The following RBFA variants were observed in gnomAD, a reference collection of about 807,000 sequenced individuals.
RBFA encodes the protein ribosome binding factor A, also known as putative ribosome-binding factor A, mitochondrial.
In RBFA, 16 loss-of-function variants were observed where a neutral mutation model predicts 27.9. The observed-to-expected ratio is 0.57, with a 90% CI of 0.39 to 0.87. The LOEUF (loss-of-function observed/expected upper bound fraction) is 0.87, where lower values mean the gene tolerates loss of function less well. Among genes scored for constraint, RBFA ranks in the 40% least tolerant of loss-of-function variants. The pLI is 0.00. For synonymous variants in RBFA, 181 were observed against 181.0 expected (o/e 1.00, Z 0.00); for missense variants, 456 against 432.1 (o/e 1.06, Z -0.49).
chr18:80,038,968 G>A (rs2051999710), intron 4 of RBFA, among the ~76,000 whole-genome samples: 1 of 152,190 alleles, frequency 6.6e-6, no homozygotes, highest in African/African-American at 2.4e-5. Flanking sequence ...AGTGCTGTAG[G>A]GGCGCCATGC....
chr18:80,048,499 C>T lies in RBFA; in HGVS notation c.*2344C>T, dbSNP rs1258569288. Among the ~76,000 whole-genome samples the T allele has an allele frequency of 6.6e-6, 1 of 152,190 alleles. No homozygotes were observed. The highest frequency in any genetic ancestry group is 1.5e-5 in the Non-Finnish European group (1 of 68,038). ...AAACAGATTGCTGCCATCAATTTGT[C>T]TCAGGTCCTTCTAGCACATCTGACA... On this transcript the variant is annotated 3_prime_UTR_variant, in exon 7 of 7. Coordinates refer to ENST00000306735, the MANE Select transcript of RBFA (RefSeq NM_024805.3).
At position 80,045,782 on chromosome 18, in the gene RBFA, A is replaced by T; in HGVS notation, c.659A>T (p.Asp220Val). ...NFVQNDFRDP[D>V]APQPCGTTEP... Reference sequence around the variant, plus strand: ...CTCTTCTTCCTTCCCAGGGACCCTGATGCCCCACAACCCTGCGGCACCACA... The same window carrying T: ...CTCTTCTTCCTTCCCAGGGACCCTGTTGCCCCACAACCCTGCGGCACCACA... The change falls in exon 7 of 7, where the codon GAT (aspartate) becomes GTT (valine). Residue 220 changes from aspartate (D) to valine (V), a missense_variant. Transcript: ENST00000306735. The T allele has an allele frequency of 6.6e-7, 1 of 1,511,584 alleles. No homozygotes were observed. The highest frequency in any genetic ancestry group is 8.8e-7 in the Non-Finnish European group (1 of 1,130,586). 93.6% of individuals were successfully genotyped at this position (1,511,584 alleles called of 1,614,324 possible).
Position 80,046,360 on chromosome 18 carries a change from A to G in RBFA, c.*205A>G, listed in dbSNP as rs994443668. 1.7e-6 allele frequency: 1 copy of G among 599,120 alleles called. No homozygotes were observed. Among genetic ancestry groups the G allele is most frequent in the South Asian group, 2.2e-5 (1 of 45,166 alleles). The allele number at this position is 599,120 out of a possible 1,614,324, so 37.1% of individuals were successfully genotyped here. ...ATGCACTGTGTGTAATTTAAAAATT[A>G]AATGGCCATCTTATCACAGATTCTC... On this transcript the variant is annotated 3_prime_UTR_variant, in exon 7 of 7. Transcript: ENST00000306735.
rs1258351622 is a variant in RBFA, at chr18:80,034,473, G to C, written c.-23G>C. 1.3e-6 allele frequency: 2 copies of C among 1,494,720 alleles called. No homozygotes were observed. The highest frequency in any genetic ancestry group is 3.0e-5 in the African/African-American group (2 of 67,514). 92.6% of individuals were successfully genotyped at this position (1,494,720 alleles called of 1,614,324 possible). A position where few individuals can be genotyped will look rare whatever the true frequency, so the allele number is the denominator to read the frequency against. On this transcript the variant is annotated 5_prime_UTR_variant, in exon 1 of 7. Transcript: ENST00000306735. ...GCCTGCGCCCGTTGTCTCCCTGCTCGCTCCGGGTCCCGGCGCCGCGCCATG... is the reference window on the plus strand; with the variant it reads ...GCCTGCGCCCGTTGTCTCCCTGCTCCCTCCGGGTCCCGGCGCCGCGCCATG...
intron 3 of RBFA, 86 bp downstream of exon 3, chr18:80,037,592 A>G (rs1451634477): frequency 7.7e-7 from 1 of 1,294,786 alleles, no homozygotes; most frequent in Non-Finnish European, 1.1e-6. Flanking sequence ...CCTGACAATT[A>G]AAAAAAGACG....
At position 80,046,873 on chromosome 18, in the gene RBFA, G is replaced by C. The variant is rs1311159073; in HGVS notation, c.*718G>C. ...TTCTAATCCATCCAAAGGTGAAACA[G>C]ACTTGGTCTTTGCCTTCTGAAGAGT... On this transcript the variant is annotated 3_prime_UTR_variant, in exon 7 of 7. Transcript: ENST00000306735. 1 of 152,640 alleles carries C rather than the reference G, an allele frequency of 6.6e-6. No homozygotes were observed. The highest frequency in any genetic ancestry group is 1.5e-5 in the Non-Finnish European group (1 of 68,108). The allele number at this position is 152,640 out of a possible 1,614,324, so 9.5% of individuals were successfully genotyped here. A position where few individuals can be genotyped will look rare whatever the true frequency, so the allele number is the denominator to read the frequency against.
chr18:80,042,722 G>T (rs117358428), intron 5 of RBFA, among the ~76,000 whole-genome samples: 9,624 of 151,680 alleles, frequency 0.063, 440 homozygotes, highest in Non-Finnish European at 0.095. Context: ...AGTGAGCCGA[G>T]ATTGTGCCAC....
chr18:80,043,548 C>T (rs1405641299), intron 5 of RBFA, among the ~76,000 whole-genome samples: 1 of 152,250 alleles, frequency 6.6e-6, no homozygotes. Context: ...AGGCTCCTGT[C>T]TCTGGGGAGG....
At chr18:80,044,185 G>A (rs747501913) in intron 5 of RBFA, 27 bp from the exon 6 acceptor site, 35 of 1,605,996 alleles carry the variant, frequency 2.2e-5, no homozygotes, top group Non-Finnish European at 2.8e-5. Flanking sequence ...TGTGGCTAAC[G>A]GGTTTACCCT....
At chr18:80,042,241 T>G (rs765415077) in intron 5 of RBFA, 22 bp downstream of exon 5, 3 of 1,515,228 alleles carry the variant, frequency 2.0e-6, no homozygotes, top group Non-Finnish European at 2.7e-6. Context: ...AAAAAAACTT[T>G]TTAAAATTTA....
chr18:80,034,611 T>C lies in RBFA; in HGVS notation c.116T>C (p.Val39Ala). ...GCERGLHCSAVSCKNWLKKFA... is the reference protein window; with the variant it reads ...GCERGLHCSAASCKNWLKKFA... ...GAGCGGGGACTTCACTGCTCTGCTG[T>C]CTCCTGCAAGAACTGGCTCAAGAAA... Residue 39 changes from valine (V) to alanine (A), a missense_variant, in exon 1 of 7, where the codon GTC becomes GCC. Physicochemically the swap from Val to Ala is moderately conservative, Grantham distance 64 (BLOSUM62 0). Transcript: ENST00000306735. The C allele has an allele frequency of 6.2e-7, 1 of 1,609,098 alleles. No homozygotes were observed. The highest frequency in any genetic ancestry group is 8.5e-7 in the Non-Finnish European group (1 of 1,178,874).
chr18:80,044,338 G>A, intron 6 of RBFA, 53 bp downstream of exon 6: 2 of 1,489,218 alleles, frequency 1.3e-6, no homozygotes, highest in Non-Finnish European at 1.9e-6. Flanking sequence ...CCTGGGTGTG[G>A]AATCACCATT....
rs2051967581 is a variant in RBFA, at chr18:80,035,084, A to G, written c.158+431A>G. ...TTTCACACTGCTTTTAGTTCTTCTA[A>G]GTATGGTAGGTGGTTGTATGTTTTC... On this transcript the variant is annotated intron_variant, in intron 1 of 6. Transcript: ENST00000306735. 1.1e-5 allele frequency: 2 copies of G among 187,192 alleles called. 1 individual carries two copies. The highest frequency in any genetic ancestry group is 1.6e-4 in the South Asian group (2 of 12,468). The allele number at this position is 187,192 out of a possible 1,614,324, so 11.6% of individuals were successfully genotyped here. A position where few individuals can be genotyped will look rare whatever the true frequency, so the allele number is the denominator to read the frequency against.
chr18:80,049,169 G>T lies in RBFA; in HGVS notation c.*3014G>T, dbSNP rs999356155. On this transcript the variant is annotated 3_prime_UTR_variant, in exon 7 of 7. Transcript: ENST00000306735. ...TGGGGATTTCCGCGGCCTTCCCTGGGAGCGGGTTAGGGACACGGAAGCTCA... is the reference window on the plus strand; with the variant it reads ...TGGGGATTTCCGCGGCCTTCCCTGGTAGCGGGTTAGGGACACGGAAGCTCA... 6.6e-6 allele frequency among the ~76,000 whole-genome samples: 1 copy of T among 151,428 alleles called. No individual in the cohort carries two copies. The highest frequency in any genetic ancestry group is 6.6e-5 in the Admixed American group (1 of 15,206).
chr18:80,040,239 ATTTTT>A (rs71338083), intron 4 of RBFA, among the ~76,000 whole-genome samples: 1 of 91,440 alleles, frequency 1.1e-5, no homozygotes, highest in Non-Finnish European at 2.0e-5. Context: ...GGAGGCCTGA[ATTTTT>A]TTTTTTTTTT....
At chr18:80,040,938 A>G (rs1317033659) in intron 4 of RBFA, among the ~76,000 whole-genome samples, 1 of 152,194 alleles carries the variant, frequency 6.6e-6, no homozygotes, top group African/African-American at 2.4e-5. Flanking sequence ...TTTCCTCCTC[A>G]GTTTTAAAAA....
intron 5 of RBFA, among the ~76,000 whole-genome samples, chr18:80,042,932 A>G (rs958009481): frequency 6.6e-6 from 1 of 152,102 alleles, no homozygotes; most frequent in Non-Finnish European, 1.5e-5. Flanking sequence ...TTATCACTGT[A>G]GCTCTAACTA....
At chr18:80,037,026 CA>C (rs1396031765) in intron 2 of RBFA, among the ~76,000 whole-genome samples, 1 of 152,150 alleles carries the variant, frequency 6.6e-6, no homozygotes, top group Admixed American at 6.5e-5. Flanking sequence ...ATCACGTTTC[CA>C]AAAAATTACT....
rs2052062928 is a variant in RBFA at position 80,047,351 on chromosome 18, G to C, written c.*1196G>C. On this transcript the variant is annotated 3_prime_UTR_variant, in exon 7 of 7. Transcript: ENST00000306735. ...CTGCCGTGCTGACCACTGGATCCAG[G>C]CCACGTGCTGCAGACAGCGGCTGTG... 6.6e-6 allele frequency: 1 copy of C among 152,380 alleles called. No homozygotes were observed. The highest frequency in any genetic ancestry group is 2.1e-4 in the South Asian group (1 of 4,834). The allele number at this position is 152,380 out of a possible 1,614,324, so 9.4% of individuals were successfully genotyped here.
Sources: allele counts gnomAD v4.1 joint callset (sites outside exome capture counted in the v4.1 genomes callset), GRCh38; gene constraint gnomAD v4.1.1; transcripts MANE v1.5; gene names NCBI Gene and HGNC (gene_info 2026-07-23, HGNC 2026-07-21).